ABAT: variants seen among roughly 807,000 people sequenced by gnomAD.
ABAT encodes 4-aminobutyrate aminotransferase, mitochondrial.
A neutral mutation model predicts 64.6 loss-of-function variants in ABAT; 45 were observed. The ratio of observed to expected loss-of-function variants is 0.70; its 90% confidence interval spans 0.55 to 0.89. ABAT has a LOEUF of 0.89. Among genes scored for constraint, ABAT ranks in the 40% least tolerant of loss-of-function variants. The probability of loss-of-function intolerance (pLI) is 0.00; values close to 1 mark genes in which losing one functional copy is unlikely to be tolerated. For missense variants in ABAT, 633 were observed against 658.4 expected, an observed-to-expected ratio of 0.96 and a Z score of 0.42; for synonymous variants, 297 against 250.5, an observed-to-expected ratio of 1.19 and a Z score of -1.75.
chr16:8,779,045 T>C (rs922825162), intron 14 of ABAT, among the ~76,000 whole-genome samples: 13 of 152,198 alleles, frequency 8.5e-5, no homozygotes, highest in African/African-American at 3.1e-4. Flanking sequence ...ACGATGGAGA[T>C]GGCTAACATC....
At chr16:8,732,366 C>G (rs1214185561) in intron 1 of ABAT, among the ~76,000 whole-genome samples, 1 of 150,700 alleles carries the variant, frequency 6.6e-6, no homozygotes, top group Non-Finnish European at 1.5e-5. Context: ...GAGGACCCTG[C>G]GGCCTTCCGC....
intron 1 of ABAT, among the ~76,000 whole-genome samples, chr16:8,676,798 GC>G: frequency 6.6e-6 from 1 of 152,258 alleles, no homozygotes; most frequent in South Asian, 2.1e-4. Context: ...CTCCCTCTTA[GC>G]CCCTGCCCAC....
At chr16:8,719,563 A>G (rs1412112235) in intron 1 of ABAT, among the ~76,000 whole-genome samples, 30 of 152,164 alleles carry the variant, frequency 2.0e-4, no homozygotes, top group Admixed American at 2.0e-3. Context: ...AGACAGGAGC[A>G]TGAGGATGAG....
chr16:8,716,646 C>G (rs914385884), intron 1 of ABAT, among the ~76,000 whole-genome samples: 6 of 152,228 alleles, frequency 3.9e-5, no homozygotes, highest in Non-Finnish European at 8.8e-5. Flanking sequence ...ATTTTATGCA[C>G]TGGGTCCCAC....
chr16:8,757,748 T>G lies in ABAT; in HGVS notation c.317-9T>G, dbSNP rs751850319. On this transcript the variant is annotated splice_polypyrimidine_tract_variant and intron_variant, in intron 5 of 15. Coordinates refer to ENST00000268251, the MANE Select transcript of ABAT (RefSeq NM_020686.6). ...AATGAGGTCTCTAACAATACTCTCC[T>G]GCCCTCAGGTTACAGCCACCCCGCC... 1.9e-6 allele frequency: 3 copies of G among 1,613,830 alleles called. No individual in the cohort carries two copies. Among genetic ancestry groups the G allele is most frequent in the Non-Finnish European group, 2.5e-6 (3 of 1,179,848 alleles).
chr16:8,698,963 A>T (rs1328890419), intron 1 of ABAT, among the ~76,000 whole-genome samples: 1 of 152,086 alleles, frequency 6.6e-6, no homozygotes, highest in Non-Finnish European at 1.5e-5. Flanking sequence ...AAAAACAAAC[A>T]AACAAAAAAT....
chr16:8,744,884 C>T (rs2059285571), intron 2 of ABAT, among the ~76,000 whole-genome samples: 1 of 152,084 alleles, frequency 6.6e-6, no homozygotes. Context: ...AAGATGTCAA[C>T]CTCAAAACAA....
intron 15 of ABAT, among the ~76,000 whole-genome samples, chr16:8,780,121 G>A (rs369609243): frequency 1.3e-5 from 2 of 152,066 alleles, no homozygotes; most frequent in Non-Finnish European, 2.9e-5. Context: ...GGGTGCATGC[G>A]ATGGCCTGAG....
chr16:8,739,588 T>G (rs761253725), intron 2 of ABAT, among the ~76,000 whole-genome samples: 9 of 151,956 alleles, frequency 5.9e-5, no homozygotes, highest in Non-Finnish European at 1.0e-4. Flanking sequence ...CATGGTGGTG[T>G]GCACCTGTAA....
rs140729260 is a variant in ABAT at position 8,745,031 on chromosome 16, A to G, written c.71-970A>G. On this transcript the variant is annotated intron_variant, in intron 2 of 15. Coordinates refer to ENST00000268251, the MANE Select transcript of ABAT (RefSeq NM_020686.6). ...GAGACAGCGTCTCACTCTGTTGCCC[A>G]GGCTGAAGTGCTGTAATCATGGCTC... 2.0e-5 allele frequency among the ~76,000 whole-genome samples: 3 copies of G among 152,226 alleles called. No individual in the cohort carries two copies. The East Asian group carries it at 5.8e-4, about 30-fold the overall frequency.
At chr16:8,739,397 T>C (rs1413433487) in intron 2 of ABAT, among the ~76,000 whole-genome samples, 1 of 152,174 alleles carries the variant, frequency 6.6e-6, no homozygotes, top group African/African-American at 2.4e-5. Context: ...ATCCTTCCTA[T>C]TTCACAAATT....
chr16:8,720,280 C>T (rs1425580756), intron 1 of ABAT, among the ~76,000 whole-genome samples: 2 of 152,226 alleles, frequency 1.3e-5, no homozygotes, highest in African/African-American at 4.8e-5. Flanking sequence ...AACTAAGGCA[C>T]TGATGAGTTC....
At chr16:8,757,575 C>G (rs1033518603) in intron 5 of ABAT, among the ~76,000 whole-genome samples, 182 bp from the exon 6 acceptor site, 3 of 152,126 alleles carry the variant, frequency 2.0e-5, no homozygotes, top group Admixed American at 6.5e-5. Flanking sequence ...TTGAGAGATT[C>G]TGAGTCAGGG....
intron 5 of ABAT, among the ~76,000 whole-genome samples, chr16:8,751,918 T>C (rs1419114819): frequency 6.6e-6 from 1 of 152,206 alleles, no homozygotes; most frequent in African/African-American, 2.4e-5. Context: ...GCAGCTTGGA[T>C]GGTTAATGTT....
intron 1 of ABAT, among the ~76,000 whole-genome samples, chr16:8,718,778 GCATT>G (rs1296693607): frequency 6.6e-6 from 1 of 152,152 alleles, no homozygotes; most frequent in Non-Finnish European, 1.5e-5. Context: ...GACACGATTG[GCATT>G]CATTCGTAAA....
chr16:8,781,865 G>A lies in ABAT; in HGVS notation c.*435G>A, dbSNP rs572396439. 228 of 336,032 alleles carry A rather than the reference G, an allele frequency of 6.8e-4. No homozygotes were observed. The highest frequency in any genetic ancestry group is 1.1e-3 in the Non-Finnish European group (187 of 172,854). 20.8% of individuals were successfully genotyped at this position (336,032 alleles called of 1,614,324 possible). A position where few individuals can be genotyped will look rare whatever the true frequency, so the allele number is the denominator to read the frequency against. ...TGATCACGGATGTTGGCTCCCCCTC[G>A]CCCTATGCAAGCAAACACACTCTCA... On this transcript the variant is annotated 3_prime_UTR_variant, in exon 16 of 16. Coordinates refer to ENST00000268251, the MANE Select transcript of ABAT (RefSeq NM_020686.6). This position sits in a 1 kb window ranked among gnomAD's most constrained non-coding sequence, Gnocchi z 4.5.
intron 2 of ABAT, 192 bp downstream of exon 2, chr16:8,736,001 A>G (rs2142398457): frequency 1.7e-6 from 1 of 591,588 alleles, no homozygotes; most frequent in East Asian, 2.9e-5. Context: ...TTATGAAGAA[A>G]AAGAGGTTTA....
At chr16:8,765,353 A>G (rs1411897716) in intron 8 of ABAT, among the ~76,000 whole-genome samples, 2 of 150,320 alleles carry the variant, frequency 1.3e-5, no homozygotes, top group Non-Finnish European at 1.5e-5. Flanking sequence ...AAAAAAGAAG[A>G]AGAAAATGCT....
rs550449436 is a variant in ABAT at position 8,766,419 on chromosome 16, C to T, written c.603+149C>T. Reference sequence around the variant, plus strand: ...CCTGTAATCCCAGCACTTTGGGAGGCCAAGGCAGGCGGATCACCCAAGGTC... The same window carrying T: ...CCTGTAATCCCAGCACTTTGGGAGGTCAAGGCAGGCGGATCACCCAAGGTC... On this transcript the variant is annotated intron_variant, in intron 9 of 15. Transcript: ENST00000268251. 7.6e-5 allele frequency: 56 copies of T among 741,192 alleles called. 1 individual carries two copies. The South Asian group carries it at 8.3e-4, about 11-fold the overall frequency. 45.9% of individuals were successfully genotyped at this position (741,192 alleles called of 1,614,324 possible). A position where few individuals can be genotyped will look rare whatever the true frequency, so the allele number is the denominator to read the frequency against.
Sources: gnomAD v4.1 joint callset for allele counts (sites outside exome capture counted in the v4.1 genomes callset) on GRCh38, gnomAD v4.1.1 for gene constraint, Gnocchi (gnomAD v3.1) non-coding constraint, MANE v1.5 for transcripts, NCBI Gene and HGNC (gene_info 2026-07-23, HGNC 2026-07-21) for gene names.